The following NHSL2 variants were observed in gnomAD, a reference collection of about 807,000 sequenced individuals.
The protein encoded by NHSL2 is NHS like 2, also known as NHS-like protein 2.
NHSL2 carries 27 observed loss-of-function variants against 53.4 expected under a neutral mutation model. That is an observed-to-expected ratio of 0.51 (90% CI 0.37 to 0.70). NHSL2 has a LOEUF of 0.70. Among genes scored for constraint, NHSL2 ranks in the 30% least tolerant of loss-of-function variants. The probability of loss-of-function intolerance (pLI) is 0.00; values close to 1 mark genes in which losing one functional copy is unlikely to be tolerated. For synonymous variants in NHSL2, 408 were observed against 404.1 expected (o/e 1.01, Z -0.12); for missense variants, 892 against 980.1 (o/e 0.91, Z 1.20).
intron 1 of NHSL2, among the ~76,000 whole-genome samples, chrX:72,114,670 A>C (rs2042121271): frequency 8.9e-6 from 1 of 112,500 alleles, no homozygotes; most frequent in South Asian, 3.6e-4. Flanking sequence ...CACCCTGGCA[A>C]GATGTGACAT....
At chrX:71,927,276 G>A (rs1411171651) in intron 1 of NHSL2, among the ~76,000 whole-genome samples, 5 of 112,079 alleles carry the variant, frequency 4.5e-5, no homozygotes, top group Admixed American at 2.8e-4. Flanking sequence ...GACTCAATGG[G>A]GTCAGGCTGT....
intron 1 of NHSL2, among the ~76,000 whole-genome samples, chrX:71,918,173 C>T (rs1381359049): frequency 1.8e-5 from 2 of 111,397 alleles, no homozygotes; most frequent in African/African-American, 6.5e-5. Context: ...AAGCAAGAGT[C>T]TACCTGCCTG....
intron 1 of NHSL2, among the ~76,000 whole-genome samples, chrX:72,031,784 A>G (rs1237280962): frequency 9.0e-6 from 1 of 110,741 alleles, no homozygotes; most frequent in Non-Finnish European, 1.9e-5. Context: ...AAATAAATAT[A>G]TCAAGTGAAC....
intron 1 of NHSL2, among the ~76,000 whole-genome samples, chrX:72,093,719 T>TTTC (rs2041917432): frequency 1.3e-5 from 1 of 75,814 alleles, no homozygotes; most frequent in African/African-American, 4.9e-5. Context: ...TATAGCTTGC[T>TTTC]TGCTTTCTTT....
At chrX:71,937,370 T>C (rs1361127629) in intron 1 of NHSL2, among the ~76,000 whole-genome samples, 3 of 111,351 alleles carry the variant, frequency 2.7e-5, no homozygotes, top group Non-Finnish European at 5.7e-5. Flanking sequence ...AGGGCCTAGG[T>C]TTGGACCTGG....
At chrX:72,080,537 A>G (rs990046198) in intron 1 of NHSL2, among the ~76,000 whole-genome samples, 3 of 106,603 alleles carry the variant, frequency 2.8e-5, no homozygotes, top group African/African-American at 1.0e-4. Flanking sequence ...CTGGGATCCT[A>G]AAGGATTAAT....
At chrX:72,125,776 A>C (rs2042219840) in intron 1 of NHSL2, among the ~76,000 whole-genome samples, 1 of 111,691 alleles carries the variant, frequency 9.0e-6, no homozygotes, top group Non-Finnish European at 1.9e-5. Flanking sequence ...ACGACCCCAT[A>C]ACCCTGTTCC....
At chrX:71,927,937 G>C (rs1394215919) in intron 1 of NHSL2, among the ~76,000 whole-genome samples, 1 of 112,055 alleles carries the variant, frequency 8.9e-6, no homozygotes, top group Non-Finnish European at 1.9e-5. Flanking sequence ...GTAAGTTAGG[G>C]ATCATTATAA....
At chrX:72,085,999 T>C (rs2041840054) in intron 1 of NHSL2, among the ~76,000 whole-genome samples, 1 of 111,693 alleles carries the variant, frequency 9.0e-6, no homozygotes, top group Admixed American at 9.5e-5. Context: ...AAAAGAATTC[T>C]AGCATCTCTC....
At chrX:71,948,882 A>C (rs1399464620) in intron 1 of NHSL2, among the ~76,000 whole-genome samples, 1 of 101,205 alleles carries the variant, frequency 9.9e-6, no homozygotes, top group African/African-American at 3.6e-5. Flanking sequence ...GTTCTCTGTC[A>C]CACAGGCTGA....
intron 1 of NHSL2, among the ~76,000 whole-genome samples, chrX:72,109,381 AGAGCTG>A (rs1254337587): frequency 1.8e-5 from 2 of 112,314 alleles, no homozygotes; most frequent in African/African-American, 6.5e-5. Flanking sequence ...AGGAAGAAAC[AGAGCTG>A]GAACTGGAAC....
At chrX:72,118,271 C>G (rs1449276159) in intron 1 of NHSL2, among the ~76,000 whole-genome samples, 1 of 111,851 alleles carries the variant, frequency 8.9e-6, no homozygotes, top group Admixed American at 9.5e-5. Flanking sequence ...GTATATAGTA[C>G]TATCTTTTGA....
rs1348360882 is a variant in NHSL2, at chrX:72,140,287, G to A, written c.2739G>A (p.Ala913=). 2.5e-6 allele frequency: 3 copies of A among 1,210,331 alleles called. No individual in the cohort carries two copies. Among genetic ancestry groups the A allele is most frequent in the Non-Finnish European group, 3.4e-6 (3 of 894,958 alleles). The change falls in exon 6 of 8, where the codon GCG becomes GCA. Residue 913 remains alanine, a synonymous_variant. Coordinates refer to ENST00000633930, the MANE Select transcript of NHSL2 (RefSeq NM_001013627.3). ...CCCCCAGGAGCTCAATTCAACATGC[G>A]AGACCACTCCCTCAAGACAGCTACA... is the stretch of plus-strand genomic sequence containing the variant. The part of the protein sequence containing the change: ...AMPPRSSIQH[A]RPLPQDSYTV...
chrX:72,065,665 T>C (rs945388534), intron 1 of NHSL2, among the ~76,000 whole-genome samples: 2 of 111,581 alleles, frequency 1.8e-5, no homozygotes, highest in African/African-American at 3.3e-5. Context: ...CATGAAAGTC[T>C]TACAGCAGCT....
At chrX:72,042,622 A>AG (rs2042281451) in intron 1 of NHSL2, among the ~76,000 whole-genome samples, 1 of 110,514 alleles carries the variant, frequency 9.0e-6, no homozygotes, top group South Asian at 3.9e-4. Flanking sequence ...TGGAGCTAGA[A>AG]GGGGGGTTAG....
At chrX:71,942,947 G>GCTCTCT (rs767412870) in intron 1 of NHSL2, among the ~76,000 whole-genome samples, 119 of 72,161 alleles carry the variant, frequency 1.6e-3, no homozygotes, top group African/African-American at 2.3e-3. Context: ...GGGCTCTAAT[G>GCTCTCT]CTCTCTCTCT....
intron 1 of NHSL2, among the ~76,000 whole-genome samples, chrX:72,055,240 G>A (rs1044768790): frequency 8.9e-6 from 1 of 111,902 alleles, no homozygotes; most frequent in African/African-American, 3.3e-5. Flanking sequence ...GCAAAGTCAC[G>A]CAGCCAACAG....
At chrX:72,130,618 T>A in intron 1 of NHSL2, 1 of 1,211,847 alleles carries the variant, frequency 8.3e-7, no homozygotes, top group Non-Finnish European at 1.1e-6. Flanking sequence ...CACTTTTCTT[T>A]CTATCTCCAC....
At chrX:71,987,245 T>C (rs2042007186) in intron 1 of NHSL2, among the ~76,000 whole-genome samples, 1 of 112,169 alleles carries the variant, frequency 8.9e-6, no homozygotes, top group African/African-American at 3.2e-5. Context: ...GTTTCTTTAG[T>C]AGTCTCAAAT....
Sources: allele counts gnomAD v4.1 joint callset (sites outside exome capture counted in the v4.1 genomes callset), GRCh38; gene constraint gnomAD v4.1.1; transcripts MANE v1.5; gene names NCBI Gene and HGNC (gene_info 2026-07-23, HGNC 2026-07-21).